The following MYO5B variants were observed in gnomAD, a reference collection of about 807,000 sequenced individuals.
MYO5B encodes unconventional myosin-Vb.
Under a neutral mutation model 229.3 loss-of-function variants are expected in MYO5B, and 143 were observed. That is an observed-to-expected ratio of 0.62 (90% CI 0.54 to 0.72). The LOEUF (loss-of-function observed/expected upper bound fraction) is 0.72. Among genes scored for constraint, MYO5B ranks in the 30% least tolerant of loss-of-function variants. The probability of loss-of-function intolerance (pLI) is 0.00; values close to 1 mark genes in which losing one functional copy is unlikely to be tolerated. For synonymous variants in MYO5B, 918 were observed against 885.2 expected, an observed-to-expected ratio of 1.04 and a Z score of -0.66; for missense variants, 2,321 against 2,331.0, an observed-to-expected ratio of 1.00 and a Z score of 0.09.
chr18:50,040,142 C>A lies in MYO5B; in HGVS notation c.310+1G>T. ...GCAGCCAACAGATGCCCCCCACTTA[C>A]CACAGTAAGTGTAGATATGGTTGGA... On this transcript the variant is annotated splice_donor_variant, in intron 3 of 39. Coordinates refer to ENST00000285039, the MANE Select transcript of MYO5B (RefSeq NM_001080467.3). LOFTEE classifies it high-confidence loss of function. 6.2e-7 allele frequency: 1 copy of A among 1,614,104 alleles called. No individual in the cohort carries two copies. Among genetic ancestry groups the A allele is most frequent in the Non-Finnish European group, 8.5e-7 (1 of 1,180,006 alleles).
intron 1 of MYO5B, among the ~76,000 whole-genome samples, chr18:50,114,464 A>G (rs926889100): frequency 6.6e-6 from 1 of 152,208 alleles, no homozygotes; most frequent in Non-Finnish European, 1.5e-5. Context: ...CAATCCTCAA[A>G]GAACCCAGAG....
In MYO5B at chr18:50,044,384, T is replaced by C. The variant is rs538734545; in HGVS notation, c.139-4070A>G. Reference sequence around the variant, plus strand: ...ACTTAGTGATCGCAGCCATGAACTTTCTGGCACAAAAGATTCCATCCACTC... The same window carrying C: ...ACTTAGTGATCGCAGCCATGAACTTCCTGGCACAAAAGATTCCATCCACTC... On this transcript the variant is annotated intron_variant, in intron 2 of 39. Coordinates refer to ENST00000285039, the MANE Select transcript of MYO5B (RefSeq NM_001080467.3). Among the ~76,000 whole-genome samples, 85 of 152,320 alleles carry C rather than the reference T, an allele frequency of 5.6e-4. 1 individual carries two copies. Among genetic ancestry groups the C allele is most frequent in the African/African-American group, 1.9e-3 (80 of 41,576 alleles).
rs2298628 is a variant in MYO5B, at chr18:49,929,553, C to T, written c.2049G>A (p.Val683=). The T allele has an allele frequency of 0.53, 844,473 of 1,605,794 alleles. 226,987 individuals carry two copies. The highest frequency in any genetic ancestry group is 0.57 in the Middle Eastern group (2,616 of 4,586). ...RAVQQLRACG[V]LETIRISAAG... ...CTGCACTGATTCGAATCGTCTCCAA[C>T]ACCCCGCAGGCTCTGAGTTGCTGCA... The change falls in exon 17 of 40, where the codon GTG becomes GTA. Residue 683 remains valine, a synonymous_variant. Transcript: ENST00000285039.
At chr18:50,123,449 G>A (rs763309834) in intron 1 of MYO5B, among the ~76,000 whole-genome samples, 1 of 152,132 alleles carries the variant, frequency 6.6e-6, no homozygotes, top group Non-Finnish European at 1.5e-5. Flanking sequence ...TTAAAAATTG[G>A]CCAGGTGAGG....
At chr18:50,059,926 A>G (rs1293495759) in intron 1 of MYO5B, among the ~76,000 whole-genome samples, 1 of 152,216 alleles carries the variant, frequency 6.6e-6, no homozygotes, top group Non-Finnish European at 1.5e-5. Flanking sequence ...TATGATGAGT[A>G]TAAAATATAT....
intron 1 of MYO5B, among the ~76,000 whole-genome samples, chr18:50,094,808 A>G (rs1184053012): frequency 6.6e-6 from 1 of 151,918 alleles, no homozygotes; most frequent in Non-Finnish European, 1.5e-5. Context: ...TCTATTGCCT[A>G]TGGACTTGCT....
chr18:49,913,040 A>G (rs2024975243), intron 17 of MYO5B, among the ~76,000 whole-genome samples: 1 of 152,212 alleles, frequency 6.6e-6, no homozygotes, highest in Admixed American at 6.5e-5. Context: ...TTTCTCCCCA[A>G]AGTAGATTTT....
intron 22 of MYO5B, among the ~76,000 whole-genome samples, chr18:49,889,966 T>C (rs1001883576): frequency 6.6e-6 from 1 of 152,240 alleles, no homozygotes; most frequent in Non-Finnish European, 1.5e-5. Context: ...GACTTGGCTT[T>C]ATTATTCTAA....
intron 1 of MYO5B, among the ~76,000 whole-genome samples, chr18:50,103,755 C>A (rs541295590): frequency 6.6e-6 from 1 of 151,562 alleles, no homozygotes; most frequent in African/African-American, 2.4e-5. Context: ...TCTGCCCCCA[C>A]CAAAACAAAA....
At chr18:50,024,313 CA>C (rs564466129) in intron 4 of MYO5B, among the ~76,000 whole-genome samples, 35 of 152,226 alleles carry the variant, frequency 2.3e-4, no homozygotes, top group African/African-American at 8.2e-4. Flanking sequence ...AACACAAGGT[CA>C]GGGGTGCAGT....
At chr18:49,978,734 CACACACACACAA>C (rs896112154) in intron 9 of MYO5B, among the ~76,000 whole-genome samples, 1 of 101,446 alleles carries the variant, frequency 9.9e-6, no homozygotes, top group Non-Finnish European at 2.1e-5. Flanking sequence ...CACACACACA[CACACACACACAA>C]AATGCTCAGC....
intron 18 of MYO5B, among the ~76,000 whole-genome samples, chr18:49,908,422 C>T (rs577960757): frequency 6.6e-6 from 1 of 152,340 alleles, no homozygotes; most frequent in African/African-American, 2.4e-5. Context: ...CAATCCATTC[C>T]AAGCCACTCC....
chr18:49,936,913 G>C (rs1230736666), intron 15 of MYO5B, among the ~76,000 whole-genome samples: 2 of 152,110 alleles, frequency 1.3e-5, no homozygotes, highest in Admixed American at 1.3e-4. Context: ...CTGATCCACA[G>C]CTTCCTTAAG....
chr18:49,961,193 C>A (rs1314476176), intron 12 of MYO5B, among the ~76,000 whole-genome samples: 1 of 152,210 alleles, frequency 6.6e-6, no homozygotes, highest in Non-Finnish European at 1.5e-5. Context: ...GCTACTCAAT[C>A]TAGGGACAAT....
At chr18:49,861,995 G>GT (rs978135894) in intron 29 of MYO5B, among the ~76,000 whole-genome samples, 21,268 of 131,056 alleles carry the variant, frequency 0.16, 1,835 homozygotes, top group East Asian at 0.31. Context: ...CCAGCTCCAT[G>GT]TTTTTTTTTT....
At chr18:50,175,643 A>C (rs2032984600) in intron 1 of MYO5B, among the ~76,000 whole-genome samples, 1 of 152,218 alleles carries the variant, frequency 6.6e-6, no homozygotes, top group Non-Finnish European at 1.5e-5. Context: ...TATATCCTCC[A>C]CAATAAGCAG....
At chr18:50,122,635 GAGAGAGAGAGAGAGAGAGAGA>G (rs1193854943) in intron 1 of MYO5B, among the ~76,000 whole-genome samples, 56 of 6,102 alleles carry the variant, frequency 9.2e-3, no homozygotes, top group Non-Finnish European at 0.014. Context: ...AAGGGGGGGG[GAGAGAGAGAGAGAGAGAGAGA>G]GAGAGAGAGA....
chr18:49,974,243 T>G (rs2025719999), intron 10 of MYO5B, 107 bp downstream of exon 10: 5 of 1,535,240 alleles, frequency 3.3e-6, no homozygotes, highest in Non-Finnish European at 4.5e-6. Context: ...TAAACTGCCC[T>G]AAGTTGAGAA....
intron 31 of MYO5B, 94 bp downstream of exon 31, chr18:49,853,355 G>A (rs1273382641): frequency 1.6e-6 from 2 of 1,276,146 alleles, no homozygotes; most frequent in Admixed American, 1.8e-5. Context: ...CAAGGGTCAT[G>A]AACCTTGTCA....
Sources: gnomAD v4.1 joint callset for allele counts (sites outside exome capture counted in the v4.1 genomes callset) on GRCh38, gnomAD v4.1.1 for gene constraint, MANE v1.5 for transcripts, NCBI Gene and HGNC (gene_info 2026-07-23, HGNC 2026-07-21) for gene names.